COL23A1: variants seen among roughly 807,000 people sequenced by gnomAD.
COL23A1 encodes collagen type XXIII alpha 1 chain.
A neutral mutation model predicts 99.3 loss-of-function variants in COL23A1; 97 were observed. The ratio of observed to expected loss-of-function variants is 0.98; its 90% CI spans 0.83 to 1.16. The LOEUF (loss-of-function observed/expected upper bound fraction) is 1.16, where lower values mean the gene tolerates loss of function less well. Ranked by LOEUF, COL23A1 falls within the 50% of genes most tolerant of loss-of-function variation. The pLI is 0.00. For missense variants in COL23A1, 762 were observed against 757.4 expected (o/e 1.01, Z -0.07); for synonymous variants, 320 against 308.2 (o/e 1.04, Z -0.40).
At chr5:178,508,958 T>C (rs1273825805) in intron 2 of COL23A1, among the ~76,000 whole-genome samples, 1 of 152,228 alleles carries the variant, frequency 6.6e-6, no homozygotes, top group African/African-American at 2.4e-5. Context: ...ATATTTCTCC[T>C]CTTTTTCCAG....
intron 2 of COL23A1, among the ~76,000 whole-genome samples, chr5:178,496,997 A>T (rs1317137284): frequency 2.0e-5 from 3 of 152,192 alleles, no homozygotes; most frequent in African/African-American, 7.2e-5. Context: ...TCCTCCTGAG[A>T]CACATTGTCT....
chr5:178,424,742 G>C (rs545856849), intron 2 of COL23A1, among the ~76,000 whole-genome samples: 4 of 152,174 alleles, frequency 2.6e-5, no homozygotes, highest in Non-Finnish European at 5.9e-5. Context: ...GGGCCGCCCT[G>C]GCAAGTTATT....
At chr5:178,267,501 A>G (rs1265999649) in intron 7 of COL23A1, among the ~76,000 whole-genome samples, 168 bp from the exon 8 acceptor site, 1 of 152,184 alleles carries the variant, frequency 6.6e-6, no homozygotes, top group African/African-American at 2.4e-5. Flanking sequence ...AAGCAGACAC[A>G]GTGAGGCCAC....
intron 2 of COL23A1, among the ~76,000 whole-genome samples, chr5:178,558,897 T>C (rs1311728704): frequency 1.3e-5 from 2 of 151,978 alleles, no homozygotes; most frequent in African/African-American, 4.8e-5. Flanking sequence ...GAAGCAATTC[T>C]CCCACCTCAG....
chr5:178,261,643 A>G, intron 11 of COL23A1, 79 bp downstream of exon 11: 1 of 974,074 alleles, frequency 1.0e-6, no homozygotes, highest in Non-Finnish European at 1.7e-6. Context: ...TGGGGGGAAG[A>G]GACAGGAAGT....
intron 2 of COL23A1, among the ~76,000 whole-genome samples, chr5:178,346,606 T>A (rs1309882604): frequency 6.6e-6 from 1 of 152,196 alleles, no homozygotes; most frequent in Non-Finnish European, 1.5e-5. Context: ...CATGTTTCTA[T>A]GTATGCCCCT....
intron 2 of COL23A1, among the ~76,000 whole-genome samples, chr5:178,360,414 C>T (rs1239489400): frequency 6.6e-6 from 1 of 152,222 alleles, no homozygotes. Flanking sequence ...ACGCACACAT[C>T]CAGGGAGAAG....
chr5:178,507,853 G>T (rs970512618), intron 2 of COL23A1, among the ~76,000 whole-genome samples: 4 of 152,200 alleles, frequency 2.6e-5, no homozygotes, highest in Admixed American at 6.5e-5. Flanking sequence ...GAGAACTGTG[G>T]GTTTGTGTTT....
chr5:178,471,930 G>A (rs1432038958), intron 2 of COL23A1, among the ~76,000 whole-genome samples: 3 of 152,048 alleles, frequency 2.0e-5, no homozygotes, highest in African/African-American at 4.8e-5. Flanking sequence ...CTGTCGAATC[G>A]TCAGTAAGAA....
chr5:178,502,734 C>T (rs970035783), intron 2 of COL23A1, among the ~76,000 whole-genome samples: 12 of 152,214 alleles, frequency 7.9e-5, no homozygotes, highest in Non-Finnish European at 1.3e-4. Context: ...ACATAGTTGA[C>T]GGTCCAGCAA....
Position 178,306,842 on chromosome 5 carries a change from T to G in COL23A1, c.406+33A>C. On this transcript the variant is annotated intron_variant, in intron 3 of 28. Coordinates refer to ENST00000390654, the MANE Select transcript of COL23A1 (RefSeq NM_173465.4). This position sits in a 1 kb window ranked among gnomAD's most constrained non-coding sequence, Gnocchi z 4.1. ...CTGGGGCCATGGTGGCTTCCAAGCC[T>G]TGGCTTAGGAGCTGAGAAAACCTGG... 6.9e-7 allele frequency: 1 copy of G among 1,452,354 alleles called. No individual in the cohort carries two copies. Among genetic ancestry groups the G allele is most frequent in the Non-Finnish European group, 9.1e-7 (1 of 1,097,406 alleles). 90.0% of individuals were successfully genotyped at this position (1,452,354 alleles called of 1,614,324 possible). A position where few individuals can be genotyped will look rare whatever the true frequency, so the allele number is the denominator to read the frequency against.
intron 1 of COL23A1, 132 bp from the exon 2 acceptor site, chr5:178,560,880 C>G: frequency 1.2e-6 from 1 of 807,290 alleles, no homozygotes; most frequent in Non-Finnish European, 2.0e-6. Flanking sequence ...TCTGTGAGAC[C>G]ATCTCTCAAA....
intron 22 of COL23A1, among the ~76,000 whole-genome samples, chr5:178,247,192 T>G (rs1009999110): frequency 6.6e-6 from 1 of 150,636 alleles, no homozygotes; most frequent in African/African-American, 2.5e-5. Context: ...TGGGGAGAGG[T>G]GGGGACAGTG....
chr5:178,246,756 C>T (rs1472287731), intron 22 of COL23A1, among the ~76,000 whole-genome samples: 2 of 151,988 alleles, frequency 1.3e-5, no homozygotes, highest in Non-Finnish European at 2.9e-5. Flanking sequence ...CCCAGCCACA[C>T]AGCGGGAGGC....
At chr5:178,570,502 CA>C (rs1159512118) in intron 1 of COL23A1, among the ~76,000 whole-genome samples, 1 of 152,116 alleles carries the variant, frequency 6.6e-6, no homozygotes, top group Non-Finnish European at 1.5e-5. Flanking sequence ...AGTTTTTCTA[CA>C]AACCTAAAAT....
chr5:178,555,877 C>T (rs1762244749), intron 2 of COL23A1, among the ~76,000 whole-genome samples: 1 of 152,168 alleles, frequency 6.6e-6, no homozygotes, highest in Non-Finnish European at 1.5e-5. Context: ...ACCCACCTGG[C>T]CAGAGCCTCC....
chr5:178,288,580 T>C (rs2913832), intron 4 of COL23A1: 527,372 of 615,952 alleles, frequency 0.86, 228,302 homozygotes, highest in Non-Finnish European at 0.91. Flanking sequence ...TCATCGGGGC[T>C]CCGGGCACAG....
intron 2 of COL23A1, among the ~76,000 whole-genome samples, chr5:178,380,211 T>A: frequency 6.6e-6 from 1 of 152,218 alleles, no homozygotes; most frequent in South Asian, 2.1e-4. Flanking sequence ...AATGGGTCAA[T>A]TGCTGCCTAG....
Position 178,280,762 on chromosome 5 carries a change from C to T in COL23A1, c.441+7562G>A, listed in dbSNP as rs1030773239. Among the ~76,000 whole-genome samples, 1 of 152,156 alleles carries T rather than the reference C, an allele frequency of 6.6e-6. No individual in the cohort carries two copies. The highest frequency in any genetic ancestry group is 2.4e-5 in the African/African-American group (1 of 41,430). ...AGGACCAACCCCCTCTGCTGGGCCC[C>T]CTACACTGCTGTCCCTGCTAAGTCT... On this transcript the variant is annotated intron_variant, in intron 5 of 28. Transcript: ENST00000390654. This position sits in a 1 kb window ranked among gnomAD's most constrained non-coding sequence, Gnocchi z 4.9.
Sources: allele counts gnomAD v4.1 joint callset (sites outside exome capture counted in the v4.1 genomes callset), GRCh38; gene constraint gnomAD v4.1.1; non-coding constraint Gnocchi (gnomAD v3.1); transcripts MANE v1.5; gene names NCBI Gene and HGNC (gene_info 2026-07-23, HGNC 2026-07-21).